ESPNL: variants seen among roughly 807,000 people sequenced by gnomAD.
The protein encoded by ESPNL is espin-like protein.
In ESPNL, 49 loss-of-function variants were observed where a neutral mutation model predicts 46.8. The observed-to-expected ratio is 1.05, with a 90% CI of 0.83 to 1.33. The LOEUF is 1.33. Ranked by LOEUF, ESPNL falls within the 40% of genes most tolerant of loss-of-function variation. The pLI, the probability that ESPNL is intolerant of heterozygous loss-of-function variation, is 0.00. For missense variants in ESPNL, 1,540 were observed against 1,436.6 expected (o/e 1.07, Z -1.16); for synonymous variants, 664 against 662.1 (o/e 1.00, Z -0.04).
At chr2:238,108,504 C>T (rs1481421325) in intron 4 of ESPNL, among the ~76,000 whole-genome samples, 2 of 152,184 alleles carry the variant, frequency 1.3e-5, no homozygotes, top group African/African-American at 4.8e-5. Flanking sequence ...CCCGGGTGCC[C>T]ACCCGATGTC....
rs760265253 is a variant in ESPNL, at chr2:238,129,047, C to T, written c.1413+143C>T. 5.5e-4 allele frequency: 781 copies of T among 1,431,630 alleles called. 3 individuals carry two copies. Among genetic ancestry groups the T allele is most frequent in the Non-Finnish European group, 6.6e-4 (726 of 1,096,332 alleles). 88.7% of individuals were successfully genotyped at this position (1,431,630 alleles called of 1,614,324 possible). A position where few individuals can be genotyped will look rare whatever the true frequency, so the allele number is the denominator to read the frequency against. On this transcript the variant is annotated intron_variant, in intron 8 of 8. Coordinates refer to ENST00000343063, the MANE Select transcript of ESPNL (RefSeq NM_194312.4). ...CCTCTGTGGCCTCAGCTGCTGCTTC[C>T]GCCGGAGGATGAAGTGAACCTGACC...
intron 4 of ESPNL, among the ~76,000 whole-genome samples, chr2:238,108,838 A>C (rs1691657956): frequency 6.6e-6 from 1 of 152,228 alleles, no homozygotes; most frequent in Admixed American, 6.5e-5. Flanking sequence ...CAGCAGTGCC[A>C]TTGAAACAAT....
intron 5 of ESPNL, among the ~76,000 whole-genome samples, chr2:238,118,590 AAGGGTGGATGGAAG>A (rs1330263379): frequency 2.3e-4 from 14 of 61,786 alleles, no homozygotes; most frequent in Non-Finnish European, 3.0e-4. Flanking sequence ...GTGGATGGAG[AAGGGTGGATGGAAG>A]AGGGTGGATG....
rs1368354631 is a variant in ESPNL at position 238,130,595 on chromosome 2, C to T, written c.1881C>T (p.Asp627=). ...DEKPSTRPLQ[D]TCREASASPP... Reference sequence around the variant, plus strand: ...AGCCATCCACCCGGCCCCTGCAGGACACCTGCAGGGAGGCCTCGGCCAGCC... The same window carrying T: ...AGCCATCCACCCGGCCCCTGCAGGATACCTGCAGGGAGGCCTCGGCCAGCC... Residue 627 remains aspartate (D), a synonymous_variant, in exon 9 of 9, where the codon GAC becomes GAT. Transcript: ENST00000343063. The T allele has an allele frequency of 3.8e-6, 6 of 1,569,658 alleles. No individual in the cohort carries two copies. The highest frequency in any genetic ancestry group is 3.8e-5 in the Admixed American group (2 of 53,042).
At chr2:238,129,179 C>G in intron 8 of ESPNL, 12 of 1,370,754 alleles carry the variant, frequency 8.8e-6, no homozygotes, top group Non-Finnish European at 1.1e-5. Flanking sequence ...AAGCGTTGTT[C>G]TAGGCCTTCC....
Position 238,100,516 on chromosome 2 carries a change from G to C in ESPNL, c.97G>C (p.Asp33His). The change falls in exon 1 of 9, where the codon GAT becomes CAT. Residue 33 changes from aspartate (D) to histidine (H), a missense_variant. Physicochemically the swap from Asp to His is moderately conservative, Grantham distance 81 (BLOSUM62 -1). Transcript: ENST00000343063. ...EAGALGPGIT[D>H]ALGAGLVHHA... is the part of the protein sequence containing the mutation. The stretch of plus-strand genomic sequence containing the variant: ...TGGCGCCCTGGGCCCGGGCATCACC[G>C]ATGCTCTGGGGGCCGGCCTGGTTCA... The C allele has an allele frequency of 6.3e-7, 1 of 1,596,814 alleles. No individual in the cohort carries two copies. Among genetic ancestry groups the C allele is most frequent in the South Asian group, 1.1e-5 (1 of 88,348 alleles).
chr2:238,100,382 C>T lies in ESPNL; in HGVS notation c.-38C>T, dbSNP rs1485183920. The T allele has an allele frequency of 1.9e-5, 30 of 1,551,494 alleles. No homozygotes were observed. The highest frequency in any genetic ancestry group is 2.5e-5 in the Non-Finnish European group (29 of 1,154,902). On this transcript the variant is annotated 5_prime_UTR_variant, in exon 1 of 9. Coordinates refer to ENST00000343063, the MANE Select transcript of ESPNL (RefSeq NM_194312.4). ...CCACGTCTGAAACAGGAAGCCCCAG[C>T]CTGTGCATGAGTCGCCACTGAGAGC...
In ESPNL at chr2:238,130,384, G is replaced by A. The variant is rs370908304; in HGVS notation, c.1670G>A (p.Arg557Gln). 2.9e-5 allele frequency: 46 copies of A among 1,610,594 alleles called. No homozygotes were observed. The highest frequency in any genetic ancestry group is 8.0e-5 in the African/African-American group (6 of 74,874). ...SITVNSHFLP[R>Q]APGLEVEEAS... ...ACGGTCAACAGCCACTTCCTGCCCC[G>A]GGCGCCCGGACTGGAGGTTGAGGAG... Residue 557 changes from arginine (R) to glutamine (Q), a missense_variant, in exon 9 of 9, where the codon CGG becomes CAG. Arg to Gln is a conservative substitution (Grantham distance 43). Coordinates refer to ENST00000343063, the MANE Select transcript of ESPNL (RefSeq NM_194312.4).
chr2:238,104,984 C>T lies in ESPNL; in HGVS notation c.672+142C>T, dbSNP rs976206286. 4.1e-6 allele frequency: 3 copies of T among 739,202 alleles called. 1 individual carries two copies. In the South Asian group the frequency reaches 7.2e-5, roughly 18 times the overall value. 45.8% of individuals were successfully genotyped at this position (739,202 alleles called of 1,614,324 possible). A position where few individuals can be genotyped will look rare whatever the true frequency, so the allele number is the denominator to read the frequency against. On this transcript the variant is annotated intron_variant, in intron 3 of 8. Transcript: ENST00000343063. The stretch of plus-strand genomic sequence containing the variant: ...GGGCATCCGATGAGCTGGTCCATGG[C>T]TCCCGAGAATCTGCAGCTCCGGCCA...
chr2:238,126,889 G>T (rs1370142488), intron 6 of ESPNL, among the ~76,000 whole-genome samples: 1 of 135,148 alleles, frequency 7.4e-6, no homozygotes, highest in Non-Finnish European at 1.6e-5. Context: ...GTATGTCTGT[G>T]TGATTGTGTG....
chr2:238,111,697 G>T (rs1025007469), intron 4 of ESPNL, among the ~76,000 whole-genome samples: 1 of 152,062 alleles, frequency 6.6e-6, no homozygotes, highest in Admixed American at 6.5e-5. Context: ...ATGGACATTT[G>T]GGTTCTTCTG....
At chr2:238,102,966 G>A (rs1344110880) in intron 2 of ESPNL, among the ~76,000 whole-genome samples, 5 of 152,200 alleles carry the variant, frequency 3.3e-5, no homozygotes, top group Admixed American at 6.5e-5. Context: ...TTGTGGAATC[G>A]GGTTCTCATT....
intron 2 of ESPNL, among the ~76,000 whole-genome samples, chr2:238,104,208 G>A (rs953568896): frequency 2.0e-5 from 3 of 152,118 alleles, no homozygotes; most frequent in Non-Finnish European, 2.9e-5. Context: ...GACCCTCCCC[G>A]GTGACTTTGG....
At chr2:238,118,607 G>GA (rs2106471755) in intron 5 of ESPNL, among the ~76,000 whole-genome samples, 1 of 106,378 alleles carries the variant, frequency 9.4e-6, no homozygotes, top group Non-Finnish European at 2.2e-5. Context: ...GATGGAAGAG[G>GA]GTGGATGGAG....
chr2:238,132,772 A>G lies in ESPNL; in HGVS notation c.*1040A>G, dbSNP rs1234819319. 2.0e-5 allele frequency: 3 copies of G among 152,370 alleles called. No homozygotes were observed. The East Asian group carries it at 5.8e-4, about 29-fold the overall frequency. The allele number at this position is 152,370 out of a possible 1,614,324, so 9.4% of individuals were successfully genotyped here. A position where few individuals can be genotyped will look rare whatever the true frequency, so the allele number is the denominator to read the frequency against. ...CTGATGGCAGCCAGGAGAATGGGTCATCACCCAGGCTCTGGGGCTGAGGAG... is the reference window on the plus strand; with the variant it reads ...CTGATGGCAGCCAGGAGAATGGGTCGTCACCCAGGCTCTGGGGCTGAGGAG... On this transcript the variant is annotated 3_prime_UTR_variant, in exon 9 of 9. Transcript: ENST00000343063.
rs1342582820 is a variant in ESPNL, at chr2:238,102,135, A to G, written c.485+4A>G. On this transcript the variant is annotated splice_donor_region_variant and intron_variant, in intron 2 of 8. Transcript: ENST00000343063. ...TCCTGACAGCCGCGCATGGCAGGTA[A>G]GGAGCCCAAAGTCCCGCCTGGGGGG... The G allele has an allele frequency of 5.2e-6, 8 of 1,529,794 alleles. No individual in the cohort carries two copies. Among genetic ancestry groups the G allele is most frequent in the Admixed American group, 2.0e-5 (1 of 49,924 alleles). The allele number at this position is 1,529,794 out of a possible 1,614,324, so 94.8% of individuals were successfully genotyped here.
chr2:238,106,134 C>A (rs919834271), intron 3 of ESPNL, among the ~76,000 whole-genome samples: 1 of 152,218 alleles, frequency 6.6e-6, no homozygotes, highest in Non-Finnish European at 1.5e-5. Context: ...TTCCACCAGC[C>A]GGCGTGTAGG....
chr2:238,118,434 T>G (rs1453640434), intron 5 of ESPNL, among the ~76,000 whole-genome samples: 2 of 72,914 alleles, frequency 2.7e-5, no homozygotes, highest in Non-Finnish European at 4.9e-5. Context: ...GGAGGAGGAA[T>G]GGATGGAAGA....
intron 7 of ESPNL, 152 bp from the exon 8 acceptor site, chr2:238,128,555 G>C (rs375764554): frequency 2.1e-5 from 14 of 651,952 alleles, no homozygotes; most frequent in African/African-American, 3.6e-5. Context: ...TGAGGGGGTG[G>C]GGTGCTGTCC....
Sources: allele counts gnomAD v4.1 joint callset (sites outside exome capture counted in the v4.1 genomes callset), GRCh38; gene constraint gnomAD v4.1.1; transcripts MANE v1.5; gene names NCBI Gene and HGNC (gene_info 2026-07-23, HGNC 2026-07-21).